CRACR2B: variants seen among roughly 807,000 people sequenced by gnomAD.
The protein encoded by CRACR2B is EF-hand calcium-binding domain-containing protein 4A.
In CRACR2B, 50 loss-of-function variants were observed where a neutral mutation model predicts 46.0. The ratio of observed to expected loss-of-function variants is 1.09; its 90% CI spans 0.87 to 1.38. CRACR2B has a LOEUF of 1.38. CRACR2B is among the 40% of genes most tolerant of loss of function. The pLI is 0.00. For missense variants in CRACR2B, 667 were observed against 535.0 expected, an observed-to-expected ratio of 1.25 and a Z score of -2.43; for synonymous variants, 277 against 239.6, an observed-to-expected ratio of 1.16 and a Z score of -1.44.
Position 828,441 on chromosome 11 carries a change from C to T in CRACR2B, c.-167C>T, listed in dbSNP as rs1312312714. On this transcript the variant is annotated 5_prime_UTR_variant, in exon 1 of 9. Transcript: ENST00000525077. ...AGCCTGCAGCATTTTCCACCCCCAG[C>T]CCCCTGGTCCCACCTTGCCTTCCGC... is the stretch of plus-strand genomic sequence containing the variant. The T allele has an allele frequency of 2.6e-6, 2 of 756,980 alleles. No individual in the cohort carries two copies. Among genetic ancestry groups the T allele is most frequent in the Non-Finnish European group, 4.0e-6 (2 of 494,454 alleles). The allele number at this position is 756,980 out of a possible 1,614,324, so 46.9% of individuals were successfully genotyped here.
chr11:829,246 G>A (rs1846175727), intron 2 of CRACR2B, 114 bp from the exon 3 acceptor site: 1 of 1,477,594 alleles, frequency 6.8e-7, no homozygotes, highest in Non-Finnish European at 9.0e-7. Flanking sequence ...AATAAGGAAG[G>A]AAAACAGGAA....
In CRACR2B at chr11:831,526, C is replaced by T. The variant is rs752208958; in HGVS notation, c.1026-9C>T. The stretch of plus-strand genomic sequence containing the variant: ...AGACCCTCTCAGTGTCGGACTCCTC[C>T]TTCCCTAGGGAGCTGAATACACGGC... On this transcript the variant is annotated splice_polypyrimidine_tract_variant and intron_variant, in intron 8 of 8. Coordinates refer to ENST00000525077, the MANE Select transcript of CRACR2B (RefSeq NM_001286606.2). 1.1e-5 allele frequency: 18 copies of T among 1,575,566 alleles called. No homozygotes were observed. Among genetic ancestry groups the T allele is most frequent in the Non-Finnish European group, 1.5e-5 (18 of 1,163,534 alleles).
At chr11:827,843 T>C (rs1444587710), upstream of CRACR2B, 1 of 152,032 alleles carries the variant, frequency 6.6e-6, no homozygotes, top group Non-Finnish European at 1.5e-5. Flanking sequence ...CAGGTGGCTC[T>C]GGTTAGGGGG....
At chr11:828,801 C>G (rs558310500) in intron 1 of CRACR2B, 29 bp downstream of exon 1, 1 of 1,612,386 alleles carries the variant, frequency 6.2e-7, no homozygotes, top group African/African-American at 1.3e-5. Flanking sequence ...GAGACTGCTT[C>G]GGCCCTGGGT....
chr11:829,851 A>G, intron 3 of CRACR2B, 135 bp from the exon 4 acceptor site: 1 of 1,413,062 alleles, frequency 7.1e-7, no homozygotes. Context: ...CGCTCACGGG[A>G]GGGATGCCCT....
At chr11:827,899 C>T (rs775680608), upstream of CRACR2B, among the ~76,000 whole-genome samples, 51 of 152,176 alleles carry the variant, frequency 3.4e-4, no homozygotes, top group Non-Finnish European at 5.6e-4. Flanking sequence ...CCAGGGAGTT[C>T]TGAAACGGGG....
intron 3 of CRACR2B, 96 bp downstream of exon 3, chr11:829,636 G>A: frequency 3.8e-6 from 5 of 1,329,994 alleles, no homozygotes; most frequent in Non-Finnish European, 5.0e-6. Context: ...TTCTGCACAG[G>A]GTCTCTAGGC....
chr11:827,618 C>T (rs1846002504), upstream of CRACR2B: 1 of 864,556 alleles, frequency 1.2e-6, no homozygotes. Flanking sequence ...GCGGGCGAGA[C>T]AACAACGTGG....
rs1310646707 is a variant in CRACR2B, at chr11:830,058, TGTTCTGATAC to T, written c.533_542del (p.Val178AlafsTer83). The T allele has an allele frequency of 6.4e-7, 1 of 1,561,278 alleles. No individual in the cohort carries two copies. Among genetic ancestry groups the T allele is most frequent in the Admixed American group, 1.8e-5 (1 of 55,110 alleles). On this transcript the variant is annotated frameshift_variant, in exon 4 of 9. Coordinates refer to ENST00000525077, the MANE Select transcript of CRACR2B (RefSeq NM_001286606.2). LOFTEE classifies it high-confidence loss of function. ...CCGAGCTGCTGGGCTCTTTCGAGGA[TGTTCTGATAC>T]GCGCGTCGGCCTGCCTGGAGGAGGC... is the stretch of plus-strand genomic sequence containing the variant.
intron 2 of CRACR2B, 87 bp downstream of exon 2, chr11:829,050 C>A: frequency 6.6e-7 from 1 of 1,517,882 alleles, no homozygotes; most frequent in South Asian, 1.1e-5. Context: ...TGAGGGCTGC[C>A]GGTGCCTCTC....
chr11:830,686 G>C lies in CRACR2B; in HGVS notation c.759G>C (p.Leu253=), dbSNP rs778499299. The part of the protein sequence containing the change: ...ELELQSREQD[L]ERAGLRQREL... ...AGCTGCAGAGCCGCGAGCAGGACCT[G>C]GAACGCGCGGGCCTGCGGCAGCGGG... is the stretch of plus-strand genomic sequence containing the variant. Residue 253 remains leucine (L), a synonymous_variant, in exon 6 of 9, where the codon CTG becomes CTC. Transcript: ENST00000525077. The C allele has an allele frequency of 2.6e-6, 4 of 1,542,672 alleles. No homozygotes were observed. The highest frequency in any genetic ancestry group is 2.4e-5 in the South Asian group (2 of 83,626).
At position 830,702 on chromosome 11, in the gene CRACR2B, C is replaced by A; in HGVS notation, c.775C>A (p.Arg259=). The change falls in exon 6 of 9, where the codon CGG becomes AGG. Residue 259 remains arginine, a synonymous_variant. Transcript: ENST00000525077. ...GCAGGACCTGGAACGCGCGGGCCTG[C>A]GGCAGCGGGAGGTGAGCACCCGGCC... The part of the protein sequence containing the change: ...REQDLERAGL[R]QRELEQQLHA... 6.5e-7 allele frequency: 1 copy of A among 1,536,418 alleles called. No homozygotes were observed. The highest frequency in any genetic ancestry group is 8.8e-7 in the Non-Finnish European group (1 of 1,141,954).
intron 4 of CRACR2B, 41 bp from the exon 5 acceptor site, chr11:830,209 C>A: frequency 6.7e-7 from 1 of 1,494,826 alleles, no homozygotes; most frequent in Non-Finnish European, 8.9e-7. Context: ...GGGGCTGTAG[C>A]GCTGGCAAGT....
Position 828,726 on chromosome 11 carries a change from T to C in CRACR2B, c.119T>C (p.Leu40Pro), listed in dbSNP as rs369130837. ...ILEQAEELFLLCDKEAKGFIT... is the reference protein window; with the variant it reads ...ILEQAEELFLPCDKEAKGFIT... ...GAGCAGGCTGAGGAGCTGTTTCTGC[T>C]GTGTGACAAGGAGGCTAAGGGCTTC... Residue 40 changes from leucine to proline, a missense_variant, in exon 1 of 9, where the codon CTG becomes CCG. Leu to Pro is a moderately conservative substitution (Grantham distance 98). Coordinates refer to ENST00000525077, the MANE Select transcript of CRACR2B (RefSeq NM_001286606.2). 2.5e-5 allele frequency: 40 copies of C among 1,613,350 alleles called. No homozygotes were observed. Among genetic ancestry groups the C allele is most frequent in the Admixed American group, 3.3e-5 (2 of 59,906 alleles).
upstream of CRACR2B, among the ~76,000 whole-genome samples, chr11:827,918 C>T (rs61876747): frequency 0.05 from 7,597 of 152,242 alleles, 204 homozygotes; most frequent in Middle Eastern, 0.082. Flanking sequence ...GGAAGGGCCT[C>T]AGTGTTGTGG....
Position 831,085 on chromosome 11 carries a change from C to T in CRACR2B, c.953+53C>T, listed in dbSNP as rs756548803. The T allele has an allele frequency of 5.8e-6, 9 of 1,541,716 alleles. No individual in the cohort carries two copies. In the South Asian group the frequency reaches 9.5e-5, roughly 16 times the overall value. ...CCGGTGCGTGTCCCGGGGGCGGGGCCGACGGGCGCTCAGGTCTGGGCCACT... is the reference window on the plus strand; with the variant it reads ...CCGGTGCGTGTCCCGGGGGCGGGGCTGACGGGCGCTCAGGTCTGGGCCACT... On this transcript the variant is annotated intron_variant, in intron 7 of 8. Transcript: ENST00000525077.
upstream of CRACR2B, among the ~76,000 whole-genome samples, chr11:826,576 T>C (rs1845915766): frequency 1.3e-5 from 2 of 152,264 alleles, no homozygotes; most frequent in South Asian, 4.1e-4. Flanking sequence ...TGTTGCCCAG[T>C]GCAATGGCAC....
chr11:829,202 C>A, intron 2 of CRACR2B, 158 bp from the exon 3 acceptor site: 2 of 1,416,502 alleles, frequency 1.4e-6, no homozygotes, highest in Non-Finnish European at 1.9e-6. Context: ...GGGAGCTGGC[C>A]TGTCACCTCT....
At chr11:830,197 AG>A in intron 4 of CRACR2B, 52 bp from the exon 5 acceptor site, 3 of 1,490,438 alleles carry the variant, frequency 2.0e-6, no homozygotes, top group Non-Finnish European at 8.9e-7. Context: ...AGGCGGTGCC[AG>A]GGGGCTGTAG....
Sources: gnomAD v4.1 joint callset for allele counts (sites outside exome capture counted in the v4.1 genomes callset) on GRCh38, gnomAD v4.1.1 for gene constraint, MANE v1.5 for transcripts, NCBI Gene and HGNC (gene_info 2026-07-23, HGNC 2026-07-21) for gene names.